Variants in PTPRA observed in about 807,000 individuals in gnomAD.
The protein encoded by PTPRA is receptor-type tyrosine-protein phosphatase alpha.
In PTPRA, 25 loss-of-function variants were observed where a neutral mutation model predicts 104.8. That is an observed-to-expected ratio of 0.24 (90% CI 0.17 to 0.33). The LOEUF (loss-of-function observed/expected upper bound fraction) is 0.33. PTPRA is among the 10% of genes least tolerant of loss of function. PTPRA has a pLI of 1.00. For missense variants in PTPRA, 765 were observed against 1,015.3 expected (o/e 0.75, Z 3.35); for synonymous variants, 323 against 368.9 (o/e 0.88, Z 1.43).
chr20:2,884,631 ATTATT>A, intron 1 of PTPRA, among the ~76,000 whole-genome samples: 1 of 152,034 alleles, frequency 6.6e-6, no homozygotes, highest in East Asian at 1.9e-4. Context: ...TGCTCTTTTT[ATTATT>A]AAGTTACTTA....
At chr20:2,907,843 T>C (rs926940008) in intron 1 of PTPRA, among the ~76,000 whole-genome samples, 4 of 152,104 alleles carry the variant, frequency 2.6e-5, no homozygotes, top group Non-Finnish European at 5.9e-5. Context: ...TTGATCTTGC[T>C]CCTAATATTT....
chr20:2,989,358 A>G (rs1470320135), intron 9 of PTPRA, among the ~76,000 whole-genome samples: 3 of 152,126 alleles, frequency 2.0e-5, no homozygotes, highest in Non-Finnish European at 4.4e-5. Flanking sequence ...GCTTGAACCC[A>G]GGAGGCGGAG....
intron 9 of PTPRA, among the ~76,000 whole-genome samples, chr20:3,004,048 C>T (rs992943931): frequency 5.3e-5 from 8 of 152,182 alleles, no homozygotes; most frequent in African/African-American, 1.2e-4. Context: ...GACGGAGTCT[C>T]GCTCTGTCGC....
intron 1 of PTPRA, among the ~76,000 whole-genome samples, chr20:2,895,535 G>A (rs547023928): frequency 6.6e-6 from 1 of 150,476 alleles, no homozygotes; most frequent in South Asian, 2.1e-4. Flanking sequence ...TATTTTTTTT[G>A]AGACAGAGTG....
rs1273524818 is a variant in PTPRA, at chr20:3,022,907, A to G, written c.1464+83A>G. On this transcript the variant is annotated intron_variant, in intron 16 of 23. Coordinates refer to ENST00000399903, the MANE Select transcript of PTPRA (RefSeq NM_001385305.1). The surrounding 1 kb of genome is among the most constrained non-coding windows in gnomAD (Gnocchi z 4.6). Reference sequence around the variant, plus strand: ...ACATTGAGGATTCACTCAGTCTCACAGGTTATTGTAAATGATTACTATAGA... The same window carrying G: ...ACATTGAGGATTCACTCAGTCTCACGGGTTATTGTAAATGATTACTATAGA... 4 of 1,575,916 alleles carry G rather than the reference A, an allele frequency of 2.5e-6. No homozygotes were observed. Among genetic ancestry groups the G allele is most frequent in the Non-Finnish European group, 3.5e-6 (4 of 1,158,228 alleles).
At chr20:2,900,181 G>T (rs1377670680) in intron 1 of PTPRA, among the ~76,000 whole-genome samples, 1 of 151,612 alleles carries the variant, frequency 6.6e-6, no homozygotes, top group Non-Finnish European at 1.5e-5. Context: ...TTCTTTAGAT[G>T]GGGTCTTGCC....
intron 1 of PTPRA, among the ~76,000 whole-genome samples, chr20:2,878,371 C>T (rs752317280): frequency 1.4e-4 from 21 of 152,158 alleles, no homozygotes; most frequent in South Asian, 8.3e-4. Flanking sequence ...TGTGCCACCA[C>T]GACCAGCTAA....
At chr20:2,893,349 A>G (rs559789486) in intron 1 of PTPRA, among the ~76,000 whole-genome samples, 1 of 152,334 alleles carries the variant, frequency 6.6e-6, no homozygotes, top group East Asian at 1.9e-4. Context: ...ATAAAGTATA[A>G]TCAACTACAT....
intron 6 of PTPRA, among the ~76,000 whole-genome samples, chr20:2,983,895 ATC>A (rs1246344550): frequency 6.6e-6 from 1 of 152,088 alleles, no homozygotes; most frequent in African/African-American, 2.4e-5. Flanking sequence ...ATTTACAGTC[ATC>A]TCTCTGATCA....
At chr20:2,961,065 A>G (rs1415196054) in intron 3 of PTPRA, among the ~76,000 whole-genome samples, 4 of 152,144 alleles carry the variant, frequency 2.6e-5, no homozygotes, top group Non-Finnish European at 5.9e-5. Flanking sequence ...AGTCGTGGCA[A>G]TTATAAATAA....
At chr20:2,971,771 T>C (rs924152523) in intron 5 of PTPRA, among the ~76,000 whole-genome samples, 1 of 152,206 alleles carries the variant, frequency 6.6e-6, no homozygotes, top group African/African-American at 2.4e-5. Flanking sequence ...TCAGGATCAA[T>C]GAGAAAGATC....
Position 3,015,842 on chromosome 20 carries a change from A to C in PTPRA, c.907-7A>C. 6.5e-7 allele frequency: 1 copy of C among 1,549,504 alleles called. No homozygotes were observed. Among genetic ancestry groups the C allele is most frequent in the Non-Finnish European group, 8.9e-7 (1 of 1,123,564 alleles). On this transcript the variant is annotated splice_polypyrimidine_tract_variant and splice_region_variant and intron_variant, in intron 11 of 23. Coordinates refer to ENST00000399903, the MANE Select transcript of PTPRA (RefSeq NM_001385305.1). ...TCTTTCTTTTTCTTTCCTTCCCCAC[A>C]CCCCAGGGCTACCAAGAAAAGAACA...
chr20:2,902,581 G>A (rs557058086), intron 1 of PTPRA, among the ~76,000 whole-genome samples: 3 of 152,238 alleles, frequency 2.0e-5, no homozygotes, highest in South Asian at 4.2e-4. Flanking sequence ...AGTGATTCCA[G>A]GTCATCCTAG....
At chr20:2,880,103 C>G (rs1336371295) in intron 1 of PTPRA, among the ~76,000 whole-genome samples, 1 of 152,132 alleles carries the variant, frequency 6.6e-6, no homozygotes. Context: ...TGGACTCTAT[C>G]CTGAAGGCAG....
intron 2 of PTPRA, among the ~76,000 whole-genome samples, chr20:2,935,319 AATTT>A (rs1240404506): frequency 4.6e-5 from 7 of 152,214 alleles, no homozygotes; most frequent in African/African-American, 1.7e-4. Flanking sequence ...CAAATGACAG[AATTT>A]ATTCTTTTTT....
intron 13 of PTPRA, 63 bp downstream of exon 13, chr20:3,017,976 AG>A: frequency 7.2e-7 from 1 of 1,388,508 alleles, no homozygotes; most frequent in Admixed American, 1.8e-5. Context: ...TCTGAGTTTA[AG>A]CCTGGCTGTC....
At chr20:2,885,923 G>A (rs531290191) in intron 1 of PTPRA, among the ~76,000 whole-genome samples, 5 of 152,160 alleles carry the variant, frequency 3.3e-5, no homozygotes, top group Admixed American at 3.3e-4. Flanking sequence ...AATTAGCTGG[G>A]CGTGGTGGCA....
chr20:2,917,211 G>A (rs1364857425), intron 1 of PTPRA, among the ~76,000 whole-genome samples: 1 of 151,904 alleles, frequency 6.6e-6, no homozygotes, highest in Non-Finnish European at 1.5e-5. Flanking sequence ...GCCGGCCTCG[G>A]CCTCCCAAAG....
At chr20:2,954,818 A>G (rs924974203) in intron 3 of PTPRA, among the ~76,000 whole-genome samples, 2 of 152,160 alleles carry the variant, frequency 1.3e-5, no homozygotes, top group Non-Finnish European at 1.5e-5. Context: ...TCTGAGTTTT[A>G]TAGTTTTAGG....
Sources: allele counts gnomAD v4.1 joint callset (sites outside exome capture counted in the v4.1 genomes callset), GRCh38; gene constraint gnomAD v4.1.1; non-coding constraint Gnocchi (gnomAD v3.1); transcripts MANE v1.5; gene names NCBI Gene and HGNC (gene_info 2026-07-23, HGNC 2026-07-21).